The following CRYL1 variants were observed in gnomAD, a reference collection of about 807,000 sequenced individuals.
CRYL1 encodes lambda-crystallin homolog.
CRYL1 carries 29 observed loss-of-function variants against 36.6 expected under a neutral mutation model. That is an observed-to-expected ratio of 0.79 (90% CI 0.59 to 1.08). The LOEUF is 1.08. CRYL1 is among the 50% of genes least tolerant of loss of function. CRYL1 has a pLI of 0.00. For synonymous variants in CRYL1, 152 were observed against 151.5 expected, an observed-to-expected ratio of 1.00 and a Z score of -0.02; for missense variants, 411 against 407.9, an observed-to-expected ratio of 1.01 and a Z score of -0.06.
At chr13:20,439,497 T>C (rs1193533225) in intron 4 of CRYL1, 96 bp downstream of exon 4, 5 of 1,015,660 alleles carry the variant, frequency 4.9e-6, no homozygotes, top group Non-Finnish European at 7.0e-6. Context: ...TCACAAGTTA[T>C]TGACCCCCCT....
intron 2 of CRYL1, among the ~76,000 whole-genome samples, chr13:20,503,304 C>A (rs537083905): frequency 1.3e-5 from 2 of 152,308 alleles, no homozygotes; most frequent in South Asian, 4.1e-4. Flanking sequence ...GAACTTTGGG[C>A]AACAGACACG....
At position 20,435,779 on chromosome 13, in the gene CRYL1, A is replaced by C. The variant is rs1565963341; in HGVS notation, c.439-3483T>G. Among the ~76,000 whole-genome samples, 1 of 152,158 alleles carries C rather than the reference A, an allele frequency of 6.6e-6. No homozygotes were observed. The highest frequency in any genetic ancestry group is 2.4e-5 in the African/African-American group (1 of 41,454). On this transcript the variant is annotated intron_variant, in intron 4 of 7. Coordinates refer to ENST00000298248, the MANE Select transcript of CRYL1 (RefSeq NM_015974.3). This position sits in a 1 kb window ranked among gnomAD's most constrained non-coding sequence, Gnocchi z 4.0. ...CCGGGCCCCATGTGACCGCGCCGAC[A>C]GCGCGGCTGCCCACAGAGACTCCCT...
At chr13:20,426,128 G>A (rs1565959900) in intron 5 of CRYL1, among the ~76,000 whole-genome samples, 1 of 152,144 alleles carries the variant, frequency 6.6e-6, no homozygotes, top group Non-Finnish European at 1.5e-5. Flanking sequence ...ATCCCCTGGG[G>A]CGTCACTCTC....
chr13:20,413,137 C>T (rs1593427520), intron 6 of CRYL1, 145 bp downstream of exon 6: 3 of 600,200 alleles, frequency 5.0e-6, no homozygotes, highest in Non-Finnish European at 8.9e-6. Context: ...CGAATCCCTG[C>T]CTTGTCTGTG....
chr13:20,414,581 T>C (rs1364951469), intron 5 of CRYL1, among the ~76,000 whole-genome samples: 1 of 152,226 alleles, frequency 6.6e-6, no homozygotes, highest in Non-Finnish European at 1.5e-5. Context: ...GTTCAGCTTT[T>C]AATGAGTTCG....
chr13:20,447,325 C>G (rs902694782), intron 3 of CRYL1, among the ~76,000 whole-genome samples: 1 of 152,112 alleles, frequency 6.6e-6, no homozygotes, highest in Non-Finnish European at 1.5e-5. Flanking sequence ...CACACAAACT[C>G]CCATTATTGA....
rs541245539 is a variant in CRYL1, at chr13:20,429,235, T to C, written c.633+2867A>G. Among the ~76,000 whole-genome samples the C allele has an allele frequency of 2.0e-5, 3 of 152,360 alleles. No individual in the cohort carries two copies. In the South Asian group the frequency reaches 6.2e-4, roughly 32 times the overall value. On this transcript the variant is annotated intron_variant, in intron 5 of 7. Coordinates refer to ENST00000298248, the MANE Select transcript of CRYL1 (RefSeq NM_015974.3). ...CTCTTCTGTAAAACTTCCCCAATTC[T>C]GCTCCTTTTCTATTAAAAGTTGCTC... is the stretch of plus-strand genomic sequence containing the variant.
intron 5 of CRYL1, chr13:20,427,031 C>T (rs980219763): frequency 2.0e-6 from 2 of 985,524 alleles, no homozygotes; most frequent in Non-Finnish European, 1.2e-6. Context: ...GATTCATTCC[C>T]AGGCACCTCC....
chr13:20,453,422 A>ATATTTGAATATTTTGAAATATTCTAATG (rs1385776517), intron 3 of CRYL1, among the ~76,000 whole-genome samples: 15 of 136,390 alleles, frequency 1.1e-4, no homozygotes, highest in Non-Finnish European at 1.9e-4. Context: ...ATATTCTAAT[A>ATATTTGAATATTTTGAAATATTCTAATG]TATTTGAATA....
intron 2 of CRYL1, among the ~76,000 whole-genome samples, chr13:20,494,725 C>G (rs138834732): frequency 3.3e-5 from 5 of 152,154 alleles, no homozygotes; most frequent in Non-Finnish European, 5.9e-5. Context: ...TCTTGTTCCT[C>G]GATCCTCCAG....
At chr13:20,413,017 T>C (rs1433239216) in intron 6 of CRYL1, among the ~76,000 whole-genome samples, 1 of 152,204 alleles carries the variant, frequency 6.6e-6, no homozygotes, top group African/African-American at 2.4e-5. Flanking sequence ...GAAGTTTCTG[T>C]GACATCACCA....
intron 4 of CRYL1, among the ~76,000 whole-genome samples, chr13:20,433,522 G>A (rs946558469): frequency 2.6e-5 from 4 of 152,180 alleles, no homozygotes; most frequent in Non-Finnish European, 5.9e-5. Flanking sequence ...GCCATCCTGG[G>A]CACCTGCTCT....
At position 20,435,389 on chromosome 13, in the gene CRYL1, C is replaced by T. The variant is rs116154816; in HGVS notation, c.439-3093G>A. On this transcript the variant is annotated intron_variant, in intron 4 of 7. Coordinates refer to ENST00000298248, the MANE Select transcript of CRYL1 (RefSeq NM_015974.3). The surrounding 1 kb of genome is among the most constrained non-coding windows in gnomAD (Gnocchi z 4.0). The stretch of plus-strand genomic sequence containing the variant: ...GCCCCACGCAGCCCCCCAAAACAGA[C>T]TTCCATTCACACCGACTTCCATCCA... 2.4e-3 allele frequency among the ~76,000 whole-genome samples: 362 copies of T among 152,262 alleles called. 2 individuals are homozygous for T. The highest frequency in any genetic ancestry group is 8.1e-3 in the African/African-American group (335 of 41,556).
rs117149921 is a variant in CRYL1, at chr13:20,425,669, C to T, written c.633+6433G>A. Among the ~76,000 whole-genome samples, 1,560 of 152,250 alleles carry T rather than the reference C, an allele frequency of 0.01. 11 individuals are homozygous for T. The highest frequency in any genetic ancestry group is 0.024 in the Middle Eastern group (7 of 294). The stretch of plus-strand genomic sequence containing the variant: ...ATAGCACATGTGAGAGAAATGTAAG[C>T]GGTAGTTACAGCAGCAAATTTAAAC... On this transcript the variant is annotated intron_variant, in intron 5 of 7. Transcript: ENST00000298248. The surrounding 1 kb of genome is among the most constrained non-coding windows in gnomAD (Gnocchi z 4.4).
intron 2 of CRYL1, among the ~76,000 whole-genome samples, chr13:20,492,201 C>T (rs2033525990): frequency 6.6e-6 from 1 of 152,204 alleles, no homozygotes; most frequent in Non-Finnish European, 1.5e-5. Flanking sequence ...GCTCATTTAT[C>T]ATTCACTGTG....
chr13:20,473,279 C>A (rs975488305), intron 3 of CRYL1, among the ~76,000 whole-genome samples: 1 of 152,260 alleles, frequency 6.6e-6, no homozygotes, highest in Non-Finnish European at 1.5e-5. Context: ...TGTGCGGCAC[C>A]CACATGCTGC....
At chr13:20,492,985 G>A (rs528323507) in intron 2 of CRYL1, among the ~76,000 whole-genome samples, 3 of 152,214 alleles carry the variant, frequency 2.0e-5, no homozygotes, top group African/African-American at 4.8e-5. Flanking sequence ...TGCCCCCACC[G>A]GTGACCCTCC....
chr13:20,465,611 C>T (rs776246701), intron 3 of CRYL1, among the ~76,000 whole-genome samples: 2 of 152,118 alleles, frequency 1.3e-5, no homozygotes, highest in South Asian at 2.1e-4. Context: ...AGGCAGGCAC[C>T]GGTCACCCTG....
At position 20,421,199 on chromosome 13, in the gene CRYL1, A is replaced by AG. The variant is rs991045440; in HGVS notation, c.634-7813dup. On this transcript the variant is annotated intron_variant, in intron 5 of 7. Transcript: ENST00000298248. ...ACACTGTGTGTATAATGATGCTTTT[A>AG]GGGGGAAAAACAACAGTATTATAGA... Among the ~76,000 whole-genome samples the AG allele has an allele frequency of 2.0e-5, 3 of 152,126 alleles. No individual in the cohort carries two copies. The East Asian group carries it at 5.8e-4, about 29-fold the overall frequency.
Sources: gnomAD v4.1 joint callset for allele counts (sites outside exome capture counted in the v4.1 genomes callset) on GRCh38, gnomAD v4.1.1 for gene constraint, Gnocchi (gnomAD v3.1) non-coding constraint, MANE v1.5 for transcripts, NCBI Gene and HGNC (gene_info 2026-07-23, HGNC 2026-07-21) for gene names.